The following PCDHGA1 variants were observed in gnomAD, a reference collection of about 807,000 sequenced individuals.
The protein encoded by PCDHGA1 is protocadherin gamma subfamily A, 1.
A neutral mutation model predicts 58.0 loss-of-function variants in PCDHGA1; 32 were observed. The ratio of observed to expected loss-of-function variants is 0.55; its 90% CI spans 0.42 to 0.74. The LOEUF (loss-of-function observed/expected upper bound fraction) is 0.74, where lower values mean the gene tolerates loss of function less well. Among genes scored for constraint, PCDHGA1 ranks in the 30% least tolerant of loss-of-function variants. The probability of loss-of-function intolerance (pLI) is 0.00; values close to 1 mark genes in which losing one functional copy is unlikely to be tolerated. For missense variants in PCDHGA1, 1,205 were observed against 1,182.3 expected, an observed-to-expected ratio of 1.02 and a Z score of -0.28; for synonymous variants, 498 against 501.1, an observed-to-expected ratio of 0.99 and a Z score of 0.08.
chr5:141,361,737 C>G, intron 1 of PCDHGA1: 1 of 1,613,162 alleles, frequency 6.2e-7, no homozygotes, highest in Non-Finnish European at 8.5e-7. Flanking sequence ...CACTGCAGGC[C>G]CGCGACCAGG....
chr5:141,355,525 C>A, intron 1 of PCDHGA1: 3 of 1,614,028 alleles, frequency 1.9e-6, no homozygotes, highest in Non-Finnish European at 2.5e-6. Flanking sequence ...CCTGGAGATT[C>A]TTCTAGAAGA....
At position 141,485,305 on chromosome 5, in the gene PCDHGA1, T is replaced by C. The variant is rs1344645695; in HGVS notation, c.2422-9502T>C. The C allele has an allele frequency of 3.7e-6, 6 of 1,614,000 alleles. No individual in the cohort carries two copies. In the East Asian group the frequency reaches 1.3e-4, roughly 36 times the overall value. Reference sequence around the variant, plus strand: ...CAGAGGAGTCACAGGAAGGGACTTTTGTAGGGAATGTCGCTCAAGATTTCC... The same window carrying C: ...CAGAGGAGTCACAGGAAGGGACTTTCGTAGGGAATGTCGCTCAAGATTTCC... On this transcript the variant is annotated intron_variant, in intron 1 of 3. Coordinates refer to ENST00000517417, the MANE Select transcript of PCDHGA1 (RefSeq NM_018912.3). This position sits in a 1 kb window ranked among gnomAD's most constrained non-coding sequence, Gnocchi z 5.7.
In PCDHGA1 at chr5:141,486,661, G is replaced by T. The variant is rs373446844; in HGVS notation, c.2422-8146G>T. ...CGCTTATCTCCTACTCACTCCTGGA[G>T]CCCAGGAATCGAGATGTATCAGCTT... is the stretch of plus-strand genomic sequence containing the variant. On this transcript the variant is annotated intron_variant, in intron 1 of 3. Transcript: ENST00000517417. The surrounding 1 kb of genome is among the most constrained non-coding windows in gnomAD (Gnocchi z 5.0). 6.2e-6 allele frequency: 10 copies of T among 1,613,836 alleles called. No individual in the cohort carries two copies. Among genetic ancestry groups the T allele is most frequent in the African/African-American group, 4.0e-5 (3 of 74,918 alleles).
At chr5:141,473,919 A>G (rs2099331297) in intron 1 of PCDHGA1, among the ~76,000 whole-genome samples, 1 of 152,172 alleles carries the variant, frequency 6.6e-6, no homozygotes, top group African/African-American at 2.4e-5. Flanking sequence ...TAAGAAAACT[A>G]TGAGCTGGGT....
Position 141,431,938 on chromosome 5 carries a change from A to G in PCDHGA1, c.2422-62869A>G, listed in dbSNP as rs150199588. 49 of 1,614,050 alleles carry G rather than the reference A, an allele frequency of 3.0e-5. No individual in the cohort carries two copies. Among genetic ancestry groups the G allele is most frequent in the Non-Finnish European group, 3.9e-5 (46 of 1,180,026 alleles). Reference sequence around the variant, plus strand: ...TCATCCAAGGAAATCTGCCCTTTAAATTAGAAAAATCTTACGGAAATTACT... The same window carrying G: ...TCATCCAAGGAAATCTGCCCTTTAAGTTAGAAAAATCTTACGGAAATTACT... On this transcript the variant is annotated intron_variant, in intron 1 of 3. Coordinates refer to ENST00000517417, the MANE Select transcript of PCDHGA1 (RefSeq NM_018912.3). This position sits in a 1 kb window ranked among gnomAD's most constrained non-coding sequence, Gnocchi z 4.8.
At chr5:141,452,119 TTCATATATGGC>T (rs1472213897) in intron 1 of PCDHGA1, among the ~76,000 whole-genome samples, 3 of 152,250 alleles carry the variant, frequency 2.0e-5, no homozygotes, top group African/African-American at 7.2e-5. Flanking sequence ...TTCTTATTTA[TTCATATATGGC>T]TCATGTGTTT....
chr5:141,380,795 A>C (rs1776743298), intron 1 of PCDHGA1, among the ~76,000 whole-genome samples: 1 of 152,246 alleles, frequency 6.6e-6, no homozygotes, highest in African/African-American at 2.4e-5. Context: ...GTAGAATAAG[A>C]AACAAATGTG....
intron 1 of PCDHGA1, chr5:141,399,389 C>G: frequency 1.2e-6 from 2 of 1,614,024 alleles, no homozygotes; most frequent in East Asian, 2.2e-5. Flanking sequence ...ATCACAGCCA[C>G]AGACAGGGGC....
intron 1 of PCDHGA1, among the ~76,000 whole-genome samples, chr5:141,358,521 A>G (rs1448511689): frequency 6.6e-6 from 1 of 152,234 alleles, no homozygotes; most frequent in Non-Finnish European, 1.5e-5. Context: ...ATGAACTGGT[A>G]TATTTCAAAT....
chr5:141,433,564 G>A (rs1380905062), intron 1 of PCDHGA1, among the ~76,000 whole-genome samples: 1 of 152,042 alleles, frequency 6.6e-6, no homozygotes, highest in Non-Finnish European at 1.5e-5. Flanking sequence ...GGCTGGGCGC[G>A]GTGGCTCACG....
At position 141,491,084 on chromosome 5, in the gene PCDHGA1, C is replaced by T; in HGVS notation, c.2422-3723C>T. On this transcript the variant is annotated intron_variant, in intron 1 of 3. Transcript: ENST00000517417. This position sits in a 1 kb window ranked among gnomAD's most constrained non-coding sequence, Gnocchi z 6.9. ...TACTCACTGTTGCCACAGTCCACAGCCCCAGGACTGTTCCTCGTGTCTACA... is the reference window on the plus strand; with the variant it reads ...TACTCACTGTTGCCACAGTCCACAGTCCCAGGACTGTTCCTCGTGTCTACA... The T allele has an allele frequency of 6.2e-7, 1 of 1,614,106 alleles. No homozygotes were observed. The highest frequency in any genetic ancestry group is 1.1e-5 in the South Asian group (1 of 91,082).
At chr5:141,481,913 C>CAAAAAA (rs34114744) in intron 1 of PCDHGA1, among the ~76,000 whole-genome samples, 2 of 90,846 alleles carry the variant, frequency 2.2e-5, no homozygotes, top group Non-Finnish European at 4.4e-5. Flanking sequence ...AACTCCATCT[C>CAAAAAA]AAAAAAAAAA....
intron 1 of PCDHGA1, chr5:141,411,163 C>T (rs1001422146): frequency 6.6e-6 from 1 of 152,132 alleles, no homozygotes; most frequent in African/African-American, 2.4e-5. Context: ...TTCTGACTAT[C>T]GAACAGAAGC....
chr5:141,437,074 A>G (rs1455066447), intron 1 of PCDHGA1, among the ~76,000 whole-genome samples: 1 of 152,250 alleles, frequency 6.6e-6, no homozygotes, highest in Non-Finnish European at 1.5e-5. Flanking sequence ...GGTTTGGGCC[A>G]TATAAGAATT....
intron 1 of PCDHGA1, among the ~76,000 whole-genome samples, chr5:141,448,604 A>G (rs954578256): frequency 1.3e-5 from 2 of 152,118 alleles, no homozygotes; most frequent in Non-Finnish European, 2.9e-5. Flanking sequence ...AATACTATAC[A>G]CCACTTTATA....
rs549829392 is a variant in PCDHGA1 at position 141,403,606 on chromosome 5, C to T, written c.2421+70501C>T. The T allele has an allele frequency of 3.1e-5, 50 of 1,613,710 alleles. No homozygotes were observed. The East Asian group carries it at 8.5e-4, about 27-fold the overall frequency. Reference sequence around the variant, plus strand: ...TGGTCCTCACGGCCTCGGATGGCGGCGAGCCGCGTCGCTCCAGCACAGTGC... The same window carrying T: ...TGGTCCTCACGGCCTCGGATGGCGGTGAGCCGCGTCGCTCCAGCACAGTGC... On this transcript the variant is annotated intron_variant, in intron 1 of 3. Coordinates refer to ENST00000517417, the MANE Select transcript of PCDHGA1 (RefSeq NM_018912.3).
In PCDHGA1 at chr5:141,487,259, T is replaced by A. The variant is rs2099641960; in HGVS notation, c.2422-7548T>A. 1.9e-6 allele frequency: 3 copies of A among 1,614,014 alleles called. No individual in the cohort carries two copies. The highest frequency in any genetic ancestry group is 1.3e-5 in the African/African-American group (1 of 74,926). ...TCGTCTAACCCTCTACTTGGCTGTGTCCCTAGTGGCAATTTGCTTTGTCTC... is the reference window on the plus strand; with the variant it reads ...TCGTCTAACCCTCTACTTGGCTGTGACCCTAGTGGCAATTTGCTTTGTCTC... On this transcript the variant is annotated intron_variant, in intron 1 of 3. Coordinates refer to ENST00000517417, the MANE Select transcript of PCDHGA1 (RefSeq NM_018912.3). The surrounding 1 kb of genome is among the most constrained non-coding windows in gnomAD (Gnocchi z 5.0).
intron 1 of PCDHGA1, chr5:141,399,433 C>T (rs1485508239): frequency 1.9e-6 from 3 of 1,613,892 alleles, no homozygotes; most frequent in Non-Finnish European, 2.5e-6. Flanking sequence ...AAGCGTCATC[C>T]TACATATCAG....
chr5:141,392,964 G>A (rs772870041), intron 1 of PCDHGA1: 2 of 1,613,902 alleles, frequency 1.2e-6, no homozygotes, highest in South Asian at 1.1e-5. Context: ...TATCTCCAAG[G>A]ACCTGGGGCT....
Sources: gnomAD v4.1 joint callset for allele counts (sites outside exome capture counted in the v4.1 genomes callset) on GRCh38, gnomAD v4.1.1 for gene constraint, Gnocchi (gnomAD v3.1) non-coding constraint, MANE v1.5 for transcripts, NCBI Gene and HGNC (gene_info 2026-07-23, HGNC 2026-07-21) for gene names.